NAALADL2: variants seen among roughly 807,000 people sequenced by gnomAD.
NAALADL2 encodes N-acetylated alpha-linked acidic dipeptidase like 2, also known as inactive N-acetylated-alpha-linked acidic dipeptidase-like protein 2.
NAALADL2 carries 76 observed loss-of-function variants against 87.2 expected under a neutral mutation model. The ratio of observed to expected loss-of-function variants is 0.87; its 90% confidence interval spans 0.72 to 1.05. The LOEUF (loss-of-function observed/expected upper bound fraction) is 1.05. Among genes scored for constraint, NAALADL2 ranks in the 50% least tolerant of loss-of-function variants. NAALADL2 has a pLI of 0.00. For missense variants in NAALADL2, 1,089 were observed against 945.8 expected, an observed-to-expected ratio of 1.15 and a Z score of -1.99; for synonymous variants, 354 against 331.0, an observed-to-expected ratio of 1.07 and a Z score of -0.75.
intron 2 of NAALADL2, among the ~76,000 whole-genome samples, chr3:175,199,819 AATATATATATATATATAT>A (rs1273667396): frequency 1.7e-3 from 37 of 21,362 alleles, no homozygotes; most frequent in Admixed American, 3.2e-3. Context: ...GGGGGAAAGA[AATATATATATATATATAT>A]ATATATATAT....
At chr3:174,730,577 A>G (rs1218893171) in intron 2 of NAALADL2, among the ~76,000 whole-genome samples, 1 of 152,164 alleles carries the variant, frequency 6.6e-6, no homozygotes. Flanking sequence ...TAGAGAACTA[A>G]CGGATATTTT....
intron 10 of NAALADL2, among the ~76,000 whole-genome samples, chr3:175,598,569 A>C (rs1357705205): frequency 1.3e-5 from 2 of 152,138 alleles, no homozygotes; most frequent in African/African-American, 4.8e-5. Context: ...GGATGATAAG[A>C]CTAAGACAGT....
intron 5 of NAALADL2, among the ~76,000 whole-genome samples, chr3:175,332,034 C>A (rs969389021): frequency 6.6e-6 from 1 of 152,042 alleles, no homozygotes; most frequent in East Asian, 1.9e-4. Context: ...AAATTAAAGA[C>A]CTCAACAAAG....
At chr3:174,673,647 G>T (rs2108807883) in intron 2 of NAALADL2, among the ~76,000 whole-genome samples, 1 of 134,618 alleles carries the variant, frequency 7.4e-6, no homozygotes, top group South Asian at 2.8e-4. Context: ...TGGGAAGGGG[G>T]TGTGTTCGGG....
intron 4 of NAALADL2, among the ~76,000 whole-genome samples, chr3:175,289,413 T>C (rs1461906530): frequency 6.6e-6 from 1 of 152,134 alleles, no homozygotes; most frequent in Non-Finnish European, 1.5e-5. Flanking sequence ...ACTCATATGC[T>C]TTATTTTCGA....
Position 175,116,124 on chromosome 3 carries a change from T to G in NAALADL2, c.545+18833T>G, listed in dbSNP as rs532161936. 3.9e-5 allele frequency among the ~76,000 whole-genome samples: 6 copies of G among 152,104 alleles called. No individual in the cohort carries two copies. The South Asian group carries it at 1.0e-3, about 26-fold the overall frequency. On this transcript the variant is annotated intron_variant, in intron 2 of 13. Coordinates refer to ENST00000454872, the MANE Select transcript of NAALADL2 (RefSeq NM_207015.3). ...AGTTATGACAAACCCACAGCCAATA[T>G]CATACTGAATGGGCAAAAACTGGAA...
intron 9 of NAALADL2, among the ~76,000 whole-genome samples, chr3:175,479,610 T>G (rs1185410100): frequency 6.6e-6 from 1 of 151,796 alleles, no homozygotes; most frequent in Non-Finnish European, 1.5e-5. Flanking sequence ...AATTTGCATT[T>G]TTCAGTGCAA....
chr3:174,633,097 T>C (rs1250341489), intron 2 of NAALADL2, among the ~76,000 whole-genome samples: 1 of 152,050 alleles, frequency 6.6e-6, no homozygotes, highest in Non-Finnish European at 1.5e-5. Flanking sequence ...ATCATGGAAC[T>C]AGCATGTGAC....
rs780141974 is a variant in NAALADL2 at position 175,576,151 on chromosome 3, C to T, written c.1764C>T (p.Ile588=). ...TCATCAACCATCTTGGAGTTCCCAT[C>T]GTGCAGTTTGCTTACGAGGACATCA... ...DYFINHLGVP[I]VQFAYEDIKT... is the part of the protein sequence containing the mutation. The change falls in exon 10 of 14, where the codon ATC becomes ATT. Residue 588 remains isoleucine, a synonymous_variant. Transcript: ENST00000454872. 49 of 1,613,762 alleles carry T rather than the reference C, an allele frequency of 3.0e-5. 1 individual carries two copies. In the South Asian group the frequency reaches 4.0e-4, roughly 13 times the overall value.
chr3:175,509,000 C>T (rs1026744770), intron 9 of NAALADL2, among the ~76,000 whole-genome samples: 2 of 151,870 alleles, frequency 1.3e-5, no homozygotes, highest in Non-Finnish European at 2.9e-5. Context: ...TCTGTAATCC[C>T]AGCTACTCAG....
At chr3:175,319,485 A>G (rs1759563260) in intron 4 of NAALADL2, among the ~76,000 whole-genome samples, 4 of 152,300 alleles carry the variant, frequency 2.6e-5, no homozygotes, top group Admixed American at 1.3e-4. Flanking sequence ...TTTTCCTAAT[A>G]GGAGGGCTTC....
At chr3:175,245,522 T>C (rs1330031832) in intron 3 of NAALADL2, among the ~76,000 whole-genome samples, 1 of 152,220 alleles carries the variant, frequency 6.6e-6, no homozygotes, top group Non-Finnish European at 1.5e-5. Flanking sequence ...ATTTTGCAAA[T>C]GTATTAAACA....
intron 9 of NAALADL2, among the ~76,000 whole-genome samples, chr3:175,480,537 G>A (rs1393553520): frequency 2.6e-5 from 4 of 151,828 alleles, no homozygotes; most frequent in Non-Finnish European, 5.9e-5. Context: ...CTATTCCACA[G>A]CACCCTTTTT....
intron 5 of NAALADL2, among the ~76,000 whole-genome samples, chr3:175,351,928 T>G (rs11915209): frequency 0.19 from 28,411 of 152,034 alleles, 2,917 homozygotes; most frequent in African/African-American, 0.27. Context: ...CCTCCAGTCA[T>G]TTTATCCAAA....
chr3:174,495,686 A>ATCTTTTAGAAAAGCAAGGATTAGGGAT (rs150444822), intron 1 of NAALADL2, among the ~76,000 whole-genome samples: 2 of 151,168 alleles, frequency 1.3e-5, no homozygotes, highest in African/African-American at 4.9e-5. Flanking sequence ...GGGATACTGA[A>ATCTTTTAGAAAAGCAAGGATTAGGGAT]TCCAGCTGTA....
At chr3:175,501,470 C>T (rs530052737) in intron 9 of NAALADL2, among the ~76,000 whole-genome samples, 1 of 140,842 alleles carries the variant, frequency 7.1e-6, no homozygotes, top group Non-Finnish European at 1.5e-5. Flanking sequence ...CTCATTGGCT[C>T]AGTGTAGGTC....
chr3:174,559,272 G>A (rs796345251), intron 2 of NAALADL2, among the ~76,000 whole-genome samples: 26 of 152,234 alleles, frequency 1.7e-4, no homozygotes, highest in African/African-American at 6.3e-4. Context: ...ATACCTTGGT[G>A]TTGGCAAGAC....
At chr3:174,737,432 T>A (rs1203031104) in intron 2 of NAALADL2, among the ~76,000 whole-genome samples, 1 of 152,248 alleles carries the variant, frequency 6.6e-6, no homozygotes, top group Non-Finnish European at 1.5e-5. Flanking sequence ...TTGTATACAT[T>A]TGTTGTTAAG....
At chr3:175,656,737 GTA>G (rs1435777661) in intron 11 of NAALADL2, among the ~76,000 whole-genome samples, 2 of 150,984 alleles carry the variant, frequency 1.3e-5, no homozygotes, top group Non-Finnish European at 2.9e-5. Flanking sequence ...GTGTGTGTGT[GTA>G]TGTGTGTGTG....
Sources: allele counts gnomAD v4.1 joint callset (sites outside exome capture counted in the v4.1 genomes callset), GRCh38; gene constraint gnomAD v4.1.1; transcripts MANE v1.5; gene names NCBI Gene and HGNC (gene_info 2026-07-23, HGNC 2026-07-21).